APC2: variants seen among roughly 807,000 people sequenced by gnomAD.
APC2 encodes adenomatous polyposis coli protein 2.
Under a neutral mutation model 72.5 loss-of-function variants are expected in APC2, and 41 were observed. That is an observed-to-expected ratio of 0.57 (90% CI 0.44 to 0.73). The LOEUF (loss-of-function observed/expected upper bound fraction) is 0.73. Ranked by LOEUF, APC2 falls within the 30% of genes least tolerant of loss-of-function variation. The pLI, the probability that APC2 is intolerant of heterozygous loss-of-function variation, is 0.00. For synonymous variants in APC2, 1,898 were observed against 1,612.0 expected (o/e 1.18, Z -4.25); for missense variants, 3,729 against 3,403.4 (o/e 1.10, Z -2.38).
At position 1,457,134 on chromosome 19, in the gene APC2, G is replaced by A. The variant is rs745838986; in HGVS notation, c.1098G>A (p.Lys366=). Residue 366 remains lysine, a synonymous_variant, in exon 9 of 15, where the codon AAG becomes AAA. Transcript: ENST00000590469. ...FSQPDQGLAR[K]EMRVLHVLEQ... is the part of the protein sequence containing the mutation. ...AGCCGGACCAGGGCCTGGCGCGCAA[G>A]GAGATGCGCGTCCTGCACGTGCTGG... The A allele has an allele frequency of 6.3e-7, 1 of 1,589,170 alleles. No homozygotes were observed.
Position 1,460,325 on chromosome 19 carries a change from C to A in APC2, c.1443+5C>A. On this transcript the variant is annotated splice_donor_5th_base_variant and intron_variant, in intron 11 of 14. Coordinates refer to ENST00000590469, the MANE Select transcript of APC2 (RefSeq NM_005883.3). ...TTTGGGGACGTTGCCAACAAGGTGC[C>A]CGGGGGCAGTGGGTGGGCTGGCACT... 1 of 1,613,308 alleles carries A rather than the reference C, an allele frequency of 6.2e-7. No individual in the cohort carries two copies. The highest frequency in any genetic ancestry group is 8.5e-7 in the Non-Finnish European group (1 of 1,179,992).
chr19:1,466,510 G>A lies in APC2; in HGVS notation c.3209G>A (p.Cys1070Tyr). 6.3e-7 allele frequency: 1 copy of A among 1,596,554 alleles called. No homozygotes were observed. ...GAGGGGCCACTCTCGCTGTCCCGAT[G>A]CAGCTCCCTTTCCTCGCTGTCCTCG... Reference protein sequence around the residue: ...AQEGPLSLSRCSSLSSLSSAG... With the variant: ...AQEGPLSLSRYSSLSSLSSAG... The change falls in exon 15 of 15, where the codon TGC (cysteine) becomes TAC (tyrosine). Residue 1070 changes from cysteine (C) to tyrosine (Y), a missense_variant. By Grantham distance (194) the Cys-to-Tyr change is radical (BLOSUM62 -2). Coordinates refer to ENST00000590469, the MANE Select transcript of APC2 (RefSeq NM_005883.3).
chr19:1,460,095 G>A (rs747049187), intron 10 of APC2, 86 bp from the exon 11 acceptor site: 143 of 1,566,774 alleles, frequency 9.1e-5, no homozygotes, highest in Non-Finnish European at 1.2e-4. Flanking sequence ...GCATAGGGAG[G>A]GCCTCTGGGC....
chr19:1,462,539 C>T (rs1284081283), intron 14 of APC2, among the ~76,000 whole-genome samples: 1 of 150,988 alleles, frequency 6.6e-6, no homozygotes, highest in Non-Finnish European at 1.5e-5. Context: ...CCTGTAATCC[C>T]AGCTACTCGG....
At chr19:1,454,401 CA>C (rs2083786022) in intron 4 of APC2, among the ~76,000 whole-genome samples, 1 of 147,978 alleles carries the variant, frequency 6.8e-6, no homozygotes. Context: ...TAGTTTGAAA[CA>C]GGGTCTCACT....
chr19:1,448,730 G>C (rs1466421250), upstream of APC2, among the ~76,000 whole-genome samples: 1 of 151,244 alleles, frequency 6.6e-6, no homozygotes, highest in Non-Finnish European at 1.5e-5. Flanking sequence ...TGTAGTCCCA[G>C]CTACTCGGGA....
At position 1,465,361 on chromosome 19, in the gene APC2, G is replaced by C. The variant is rs2083990354; in HGVS notation, c.2060G>C (p.Ser687Thr). ...AAGCACAAGATGATCGCCATGGGCA[G>C]CGCCGCCGCCCTGCGCAACCTGCTG... ...HSKHKMIAMG[S>T]AAALRNLLAH... is the part of the protein sequence containing the mutation. Residue 687 changes from serine (S) to threonine (T), a missense_variant, in exon 15 of 15, where the codon AGC becomes ACC. By Grantham distance (58) the Ser-to-Thr change is moderately conservative. Transcript: ENST00000590469. 1.3e-6 allele frequency: 2 copies of C among 1,584,414 alleles called. No individual in the cohort carries two copies. The highest frequency in any genetic ancestry group is 1.3e-5 in the African/African-American group (1 of 74,602).
chr19:1,452,942 TC>T lies in APC2; in HGVS notation c.-18-38del. ...CTGTCCGGAAGGCATCACCGCGCCC[TC>T]CCCAGACCATCAGCTGAACCCTCTG... On this transcript the variant is annotated intron_variant, in intron 1 of 14. Coordinates refer to ENST00000590469, the MANE Select transcript of APC2 (RefSeq NM_005883.3). The surrounding 1 kb of genome is among the most constrained non-coding windows in gnomAD (Gnocchi z 5.1). The T allele has an allele frequency of 6.3e-7, 1 of 1,594,556 alleles. No individual in the cohort carries two copies. The highest frequency in any genetic ancestry group is 8.5e-7 in the Non-Finnish European group (1 of 1,170,716).
chr19:1,453,552 C>T lies in APC2; in HGVS notation c.354C>T (p.Asp118=). Residue 118 remains aspartate (D), a synonymous_variant, in exon 4 of 15, where the codon GAC becomes GAT. Coordinates refer to ENST00000590469, the MANE Select transcript of APC2 (RefSeq NM_005883.3). The stretch of plus-strand genomic sequence containing the variant: ...TACACGGCTCCGGGCCCTCCAAGGA[C>T]AGCTTTGGGGAGCTGAGCCGGGCCA... ...SPVHGSGPSK[D]SFGELSRATI... 6.2e-7 allele frequency: 1 copy of T among 1,611,570 alleles called. No individual in the cohort carries two copies. Among genetic ancestry groups the T allele is most frequent in the Non-Finnish European group, 8.5e-7 (1 of 1,179,498 alleles).
intron 10 of APC2, among the ~76,000 whole-genome samples, chr19:1,458,950 C>A (rs1035532677): frequency 1.3e-5 from 2 of 152,116 alleles, no homozygotes; most frequent in Non-Finnish European, 2.9e-5. Flanking sequence ...TCCCAAAGTG[C>A]CGGGATTACA....
upstream of APC2, chr19:1,446,338 C>T (rs2145165980): frequency 2.1e-5 from 21 of 985,226 alleles, no homozygotes; most frequent in Non-Finnish European, 2.5e-5. This position sits in a 1 kb window ranked among gnomAD's most constrained non-coding sequence, Gnocchi z 6.1. Context: ...TCTTCGGGGA[C>T]CAGGTAGGGC....
rs2145258179 is a variant in APC2, at chr19:1,469,206, C to T, written c.5905C>T (p.Arg1969Cys). 2 of 1,322,722 alleles carry T rather than the reference C, an allele frequency of 1.5e-6. No individual in the cohort carries two copies. Among genetic ancestry groups the T allele is most frequent in the East Asian group, 7.0e-5 (2 of 28,666 alleles). 81.9% of individuals were successfully genotyped at this position (1,322,722 alleles called of 1,614,324 possible). A position where few individuals can be genotyped will look rare whatever the true frequency, so the allele number is the denominator to read the frequency against. ...TEAGPGARGG[R>C]LGLVRVASAL... ...GGCGGGCCCGGGGGCGCGCGGGGGC[C>T]GCCTGGGCCTGGTGCGTGTGGCCTC... Residue 1969 changes from arginine to cysteine, a missense_variant, in exon 15 of 15, where the codon CGC becomes TGC. Coordinates refer to ENST00000590469, the MANE Select transcript of APC2 (RefSeq NM_005883.3).
chr19:1,455,977 C>T (rs1179412189), intron 6 of APC2, 99 bp from the exon 7 acceptor site: 17 of 669,514 alleles, frequency 2.5e-5, no homozygotes, highest in East Asian at 8.2e-5. Context: ...CAGGAAGAGG[C>T]GGGGTCAGAG....
chr19:1,466,131 C>A lies in APC2; in HGVS notation c.2830C>A (p.Pro944Thr), dbSNP rs754791539. Reference sequence around the variant, plus strand: ...GTACTGCCCACGCGAACATATGCTGCCCTGCCCGCTGGCCGCACTGGCTTC... The same window carrying A: ...GTACTGCCCACGCGAACATATGCTGACCTGCCCGCTGGCCGCACTGGCTTC... ...DGYCPREHML[P>T]CPLAALASRR... Residue 944 changes from proline (P) to threonine (T), a missense_variant, in exon 15 of 15, where the codon CCC becomes ACC. By Grantham distance (38) the Pro-to-Thr change is conservative. Coordinates refer to ENST00000590469, the MANE Select transcript of APC2 (RefSeq NM_005883.3). 2.6e-6 allele frequency: 4 copies of A among 1,565,878 alleles called. No individual in the cohort carries two copies.
At chr19:1,461,912 T>TA in intron 13 of APC2, 51 bp from the exon 14 acceptor site, 5 of 1,491,452 alleles carry the variant, frequency 3.4e-6, no homozygotes, top group Non-Finnish European at 4.6e-6. Context: ...TGGGAGCCTT[T>TA]CCTCCGGGCC....
In APC2 at chr19:1,460,865, GC is replaced by G. The variant is rs1449692161; in HGVS notation, c.1521+9del. Reference sequence around the variant, plus strand: ...AGTGAGGAGCTCCACCAGGTACAGGGCGGGGTGCTGGGAAAGCCTTCCAGGG... The same window carrying G: ...AGTGAGGAGCTCCACCAGGTACAGGGGGGGTGCTGGGAAAGCCTTCCAGGG... On this transcript the variant is annotated intron_variant, in intron 12 of 14. Transcript: ENST00000590469. 1 of 1,613,086 alleles carries G rather than the reference GC, an allele frequency of 6.2e-7. No homozygotes were observed. The highest frequency in any genetic ancestry group is 1.7e-5 in the Admixed American group (1 of 60,006).
Position 1,469,390 on chromosome 19 carries a change from G to GGCCCGCGCTGCCC in APC2, c.6093_6105dup (p.Val2036ArgfsTer121). On this transcript the variant is annotated frameshift_variant, in exon 15 of 15. Transcript: ENST00000590469. LOFTEE classifies it low-confidence loss of function (END_TRUNC). Reference sequence around the variant, plus strand: ...CAGGGCGCCTCGCCCCGCCGCGGCCGGCCCGCGCTGCCCGCCGTCTTCCTC... The same window carrying GGCCCGCGCTGCCC: ...CAGGGCGCCTCGCCCCGCCGCGGCCGGCCCGCGCTGCCCGCCCGCGCTGCCCGCCGTCTTCCTC... 1 of 1,217,362 alleles carries GGCCCGCGCTGCCC rather than the reference G, an allele frequency of 8.2e-7. No homozygotes were observed. Among genetic ancestry groups the GGCCCGCGCTGCCC allele is most frequent in the Non-Finnish European group, 1.0e-6 (1 of 978,558 alleles). The allele number at this position is 1,217,362 out of a possible 1,614,324, so 75.4% of individuals were successfully genotyped here. A position where few individuals can be genotyped will look rare whatever the true frequency, so the allele number is the denominator to read the frequency against.
At chr19:1,461,655 A>G (rs2083925427) in intron 13 of APC2, 2 of 379,110 alleles carry the variant, frequency 5.3e-6, no homozygotes, top group Admixed American at 4.4e-5. Context: ...GATCGAGACC[A>G]TCCTGGCTAA....
At chr19:1,461,309 A>G (rs938097417) in intron 13 of APC2, 156 bp downstream of exon 13, 3 of 661,474 alleles carry the variant, frequency 4.5e-6, no homozygotes, top group Admixed American at 5.1e-5. Context: ...CTCACTCCTC[A>G]TGTCACTGCT....
Sources: gnomAD v4.1 joint callset for allele counts (sites outside exome capture counted in the v4.1 genomes callset) on GRCh38, gnomAD v4.1.1 for gene constraint, Gnocchi (gnomAD v3.1) non-coding constraint, MANE v1.5 for transcripts, NCBI Gene and HGNC (gene_info 2026-07-23, HGNC 2026-07-21) for gene names.